SYCE1L: variants seen among roughly 807,000 people sequenced by gnomAD.
SYCE1L encodes synaptonemal complex central element protein 1 like, also known as synaptonemal complex central element protein 1-like.
A neutral mutation model predicts 39.6 loss-of-function variants in SYCE1L; 51 were observed. The observed-to-expected ratio is 1.29, with a 90% CI of 1.03 to 1.63. The LOEUF is 1.63. Among genes scored for constraint, SYCE1L ranks in the 40% most tolerant of loss-of-function variants. SYCE1L has a pLI of 0.00. For synonymous variants in SYCE1L, 147 were observed against 122.4 expected, an observed-to-expected ratio of 1.20 and a Z score of -1.33; for missense variants, 426 against 304.9, an observed-to-expected ratio of 1.40 and a Z score of -2.96.
rs749898414 is a variant in SYCE1L at position 77,208,587 on chromosome 16, T to C, written c.256+48T>C. ...CCCATCAACACTGCAGATGTTCCTG[T>C]GCATACCTCAGGGCCTTTGCACAGG... On this transcript the variant is annotated intron_variant, in intron 4 of 10. Transcript: ENST00000378644. 2.7e-5 allele frequency: 42 copies of C among 1,532,830 alleles called. No individual in the cohort carries two copies. The South Asian group carries it at 4.8e-4, about 17-fold the overall frequency. 95.0% of individuals were successfully genotyped at this position (1,532,830 alleles called of 1,614,324 possible).
chr16:77,209,938 C>T (rs1464658505), intron 6 of SYCE1L, among the ~76,000 whole-genome samples: 1 of 152,210 alleles, frequency 6.6e-6, no homozygotes, highest in Non-Finnish European at 1.5e-5. Context: ...ATCTTCCATC[C>T]ATCCAATCAT....
At position 77,212,272 on chromosome 16, in the gene SYCE1L, C is replaced by T; in HGVS notation, c.494-10C>T. On this transcript the variant is annotated splice_polypyrimidine_tract_variant and intron_variant, in intron 8 of 10. Transcript: ENST00000378644. ...CCTCGGCCCTGCCCCTGACGCCCGC[C>T]CACCGACAGGGAGGCTGGTGCGCGC... The T allele has an allele frequency of 6.6e-7, 1 of 1,516,880 alleles. No individual in the cohort carries two copies. Among genetic ancestry groups the T allele is most frequent in the Non-Finnish European group, 8.8e-7 (1 of 1,133,060 alleles). The allele number at this position is 1,516,880 out of a possible 1,614,324, so 94.0% of individuals were successfully genotyped here.
chr16:77,200,891 G>T (rs2054734935), intron 1 of SYCE1L: 1 of 152,100 alleles, frequency 6.6e-6, no homozygotes, highest in Non-Finnish European at 1.5e-5. Flanking sequence ...AAGCCCATGT[G>T]TACCTATCAG....
chr16:77,212,298 CA>C lies in SYCE1L; in HGVS notation c.512del (p.Lys171SerfsTer21), dbSNP rs1567428205. On this transcript the variant is annotated frameshift_variant, in exon 9 of 11. Coordinates refer to ENST00000378644, the MANE Select transcript of SYCE1L (RefSeq NM_001129979.3). LOFTEE classifies it high-confidence loss of function. ...LLSERRLVRAKLREVERRLHS... is the reference protein window; with the variant it reads ...LLSERRLVRAXLREVERRLHS... ...CACCGACAGGGAGGCTGGTGCGCGC[CA>C]AGCTGCGGGAGGTGGAGCGGCGGCT... is the stretch of plus-strand genomic sequence containing the variant. The C allele has an allele frequency of 2.0e-6, 3 of 1,522,822 alleles. No individual in the cohort carries two copies. Among genetic ancestry groups the C allele is most frequent in the Admixed American group, 4.5e-5 (2 of 44,784 alleles). The allele number at this position is 1,522,822 out of a possible 1,614,324, so 94.3% of individuals were successfully genotyped here. A position where few individuals can be genotyped will look rare whatever the true frequency, so the allele number is the denominator to read the frequency against.
intron 8 of SYCE1L, 27 bp downstream of exon 8, chr16:77,212,226 G>C (rs1182368450): frequency 6.5e-7 from 1 of 1,543,740 alleles, no homozygotes; most frequent in South Asian, 1.2e-5. Context: ...AGGTGGGCGG[G>C]GGGAGGGGGA....
intron 7 of SYCE1L, 40 bp from the exon 8 acceptor site, chr16:77,212,090 A>AG (rs1195242626): frequency 1.3e-6 from 2 of 1,534,752 alleles, no homozygotes; most frequent in Non-Finnish European, 1.8e-6. Context: ...TGTAGCCAAG[A>AG]GGACGGCCAA....
At chr16:77,203,679 C>G (rs1351534714) in intron 1 of SYCE1L, among the ~76,000 whole-genome samples, 3 of 149,058 alleles carry the variant, frequency 2.0e-5, no homozygotes, top group Non-Finnish European at 4.4e-5. Context: ...ACCGCAACCT[C>G]CATCTCCCGG....
rs2054826211 is a variant in SYCE1L, at chr16:77,212,064, G to A, written c.424-66G>A. Reference sequence around the variant, plus strand: ...TGAAGACTTCGCGAGAAGCACAAAAGGGGAGGGGCGGGCCGTGTAGCCAAG... The same window carrying A: ...TGAAGACTTCGCGAGAAGCACAAAAAGGGAGGGGCGGGCCGTGTAGCCAAG... On this transcript the variant is annotated intron_variant, in intron 7 of 10. Coordinates refer to ENST00000378644, the MANE Select transcript of SYCE1L (RefSeq NM_001129979.3). 3.4e-6 allele frequency: 5 copies of A among 1,490,820 alleles called. No individual in the cohort carries two copies. The South Asian group carries it at 6.4e-5, about 19-fold the overall frequency. The allele number at this position is 1,490,820 out of a possible 1,614,324, so 92.3% of individuals were successfully genotyped here.
At chr16:77,200,274 G>GTGTATATATATATATATATATA (rs1254014728) in intron 1 of SYCE1L, 4 of 113,580 alleles carry the variant, frequency 3.5e-5, no homozygotes, top group South Asian at 2.6e-4. Flanking sequence ...ATATATATGT[G>GTGTATATATATATATATATATA]TATATATATA....
chr16:77,199,480 T>C lies in SYCE1L; in HGVS notation c.29T>C (p.Val10Ala). MAGKLKPLN[V>A]EAPEATEEAE... is the part of the protein sequence containing the mutation. ...GCGGGGAAGCTGAAACCTCTGAATG[T>C]GGAGGCGCCAGAAGCTACTGAGGAG... Residue 10 changes from valine (V) to alanine (A), a missense_variant, in exon 1 of 11, where the codon GTG (valine) becomes GCG (alanine). Val to Ala is a moderately conservative substitution (Grantham distance 64). Transcript: ENST00000378644. 1 of 1,551,410 alleles carries C rather than the reference T, an allele frequency of 6.4e-7. No homozygotes were observed. The highest frequency in any genetic ancestry group is 1.2e-5 in the South Asian group (1 of 84,034).
At chr16:77,209,508 C>A in intron 6 of SYCE1L, 37 bp downstream of exon 6, 2 of 1,549,314 alleles carry the variant, frequency 1.3e-6, no homozygotes, top group Non-Finnish European at 1.7e-6. Flanking sequence ...CTACCTCATT[C>A]CCCAGCTGAA....
Position 77,212,306 on chromosome 16 carries a change from G to T in SYCE1L, c.518G>T (p.Arg173Leu), listed in dbSNP as rs936503255. ...GGGAGGCTGGTGCGCGCCAAGCTGC[G>T]GGAGGTGGAGCGGCGGCTGCACTCG... ...SERRLVRAKL[R>L]EVERRLHSPP... The change falls in exon 9 of 11, where the codon CGG becomes CTG. Residue 173 changes from arginine to leucine, a missense_variant. By Grantham distance (102) the Arg-to-Leu change is moderately radical (BLOSUM62 -2). Transcript: ENST00000378644. The T allele has an allele frequency of 1.3e-6, 2 of 1,524,734 alleles. No individual in the cohort carries two copies. Among genetic ancestry groups the T allele is most frequent in the African/African-American group, 1.4e-5 (1 of 71,538 alleles). 94.5% of individuals were successfully genotyped at this position (1,524,734 alleles called of 1,614,324 possible). A position where few individuals can be genotyped will look rare whatever the true frequency, so the allele number is the denominator to read the frequency against.
rs188657546 is a variant in SYCE1L at position 77,212,079 on chromosome 16, G to A, written c.424-51G>A. 2.0e-5 allele frequency: 30 copies of A among 1,520,474 alleles called. 1 individual carries two copies. In the East Asian group the frequency reaches 6.4e-4, roughly 33 times the overall value. 94.2% of individuals were successfully genotyped at this position (1,520,474 alleles called of 1,614,324 possible). A position where few individuals can be genotyped will look rare whatever the true frequency, so the allele number is the denominator to read the frequency against. On this transcript the variant is annotated intron_variant, in intron 7 of 10. Transcript: ENST00000378644. ...AAGCACAAAAGGGGAGGGGCGGGCCGTGTAGCCAAGAGGACGGCCAAACGG... is the reference window on the plus strand; with the variant it reads ...AAGCACAAAAGGGGAGGGGCGGGCCATGTAGCCAAGAGGACGGCCAAACGG...
Position 77,209,444 on chromosome 16 carries a change from G to T in SYCE1L, c.332G>T (p.Cys111Phe). ...QEALRILQMHCQEKESEAQRL... is the reference protein window; with the variant it reads ...QEALRILQMHFQEKESEAQRL... ...GCACTGAGGATCCTCCAGATGCACT[G>T]CCAAGAGAAGGAAAGCGAGGCTCAG... The change falls in exon 6 of 11, where the codon TGC (cysteine) becomes TTC (phenylalanine). Residue 111 changes from cysteine (C) to phenylalanine (F), a missense_variant. Cys to Phe is a radical substitution (Grantham distance 205). Coordinates refer to ENST00000378644, the MANE Select transcript of SYCE1L (RefSeq NM_001129979.3). The T allele has an allele frequency of 5.2e-6, 8 of 1,551,740 alleles. No homozygotes were observed. The highest frequency in any genetic ancestry group is 7.0e-6 in the Non-Finnish European group (8 of 1,147,024).
chr16:77,212,026 G>T, intron 7 of SYCE1L, 104 bp from the exon 8 acceptor site: 1 of 1,237,658 alleles, frequency 8.1e-7, no homozygotes, highest in South Asian at 1.5e-5. Context: ...ATGAATGAAT[G>T]ACCTAATGTA....
At chr16:77,212,109 G>GCCTC in intron 7 of SYCE1L, 21 bp from the exon 8 acceptor site, 2 of 1,544,824 alleles carry the variant, frequency 1.3e-6, no homozygotes, top group Non-Finnish European at 1.7e-6. Flanking sequence ...AAACGGGGAG[G>GCCTC]CCTCCTCTTT....
intron 7 of SYCE1L, among the ~76,000 whole-genome samples, chr16:77,211,579 A>T (rs1023512959): frequency 6.6e-6 from 1 of 152,132 alleles, no homozygotes; most frequent in African/African-American, 2.4e-5. Context: ...GCCCAGGGAA[A>T]GCCATGGTCA....
Position 77,213,115 on chromosome 16 carries a change from C to G in SYCE1L, c.*184C>G, listed in dbSNP as rs952018946. The G allele has an allele frequency of 9.6e-6, 5 of 523,544 alleles. No homozygotes were observed. Among genetic ancestry groups the G allele is most frequent in the East Asian group, 3.4e-5 (1 of 28,992 alleles). The allele number at this position is 523,544 out of a possible 1,614,324, so 32.4% of individuals were successfully genotyped here. On this transcript the variant is annotated 3_prime_UTR_variant, in exon 11 of 11. Transcript: ENST00000378644. ...CTCCCACCAGTCGAGCCCCGGGCGC[C>G]GTACAGAGGCTGGGTAAATGCTCCT...
At chr16:77,205,737 T>C (rs2054781628) in intron 1 of SYCE1L, among the ~76,000 whole-genome samples, 1 of 152,116 alleles carries the variant, frequency 6.6e-6, no homozygotes, top group Admixed American at 6.6e-5. Context: ...CCTGATGAGA[T>C]TCCATCCCGC....
Sources: allele counts gnomAD v4.1 joint callset (sites outside exome capture counted in the v4.1 genomes callset), GRCh38; gene constraint gnomAD v4.1.1; transcripts MANE v1.5; gene names NCBI Gene and HGNC (gene_info 2026-07-23, HGNC 2026-07-21).